Variants in ABHD8 observed in about 807,000 individuals in gnomAD.
ABHD8 encodes the protein abhydrolase domain containing 8, also known as protein ABHD8.
ABHD8 carries 10 observed loss-of-function variants against 29.3 expected under a neutral mutation model. That is an observed-to-expected ratio of 0.34 (90% CI 0.21 to 0.58). ABHD8 has a LOEUF of 0.58. Ranked by LOEUF, ABHD8 falls within the 20% of genes least tolerant of loss-of-function variation. ABHD8 has a pLI of 0.85. For synonymous variants in ABHD8, 282 were observed against 274.6 expected (o/e 1.03, Z -0.27); for missense variants, 556 against 615.3 (o/e 0.90, Z 1.02).
At chr19:17,302,463 A>T (rs1263232187) in intron 1 of ABHD8, among the ~76,000 whole-genome samples, 1 of 152,208 alleles carries the variant, frequency 6.6e-6, no homozygotes, top group Non-Finnish European at 1.5e-5. Context: ...CATCTAAAAT[A>T]TGCAAATCTT....
At chr19:17,303,120 T>A (rs2074128781) in intron 1 of ABHD8, 122 bp downstream of exon 1, 2 of 151,938 alleles carry the variant, frequency 1.3e-5, no homozygotes, top group Admixed American at 6.5e-5. Context: ...TGCAGCGGGG[T>A]CGAGCCCACT....
At chr19:17,300,779 A>G in intron 2 of ABHD8, 77 bp downstream of exon 2, 3 of 1,499,372 alleles carry the variant, frequency 2.0e-6, no homozygotes, top group South Asian at 1.3e-5. Context: ...GGCTCAGCCA[A>G]AAACTCAGTA....
chr19:17,296,006 C>T (rs947647994), intron 2 of ABHD8, among the ~76,000 whole-genome samples: 2 of 151,720 alleles, frequency 1.3e-5, no homozygotes, highest in East Asian at 3.9e-4. Flanking sequence ...CCGTGACACC[C>T]GGCCTGGTGA....
intron 2 of ABHD8, among the ~76,000 whole-genome samples, chr19:17,299,234 A>AGCCCCC (rs2074106174): frequency 7.8e-6 from 1 of 128,874 alleles, no homozygotes; most frequent in Non-Finnish European, 1.6e-5. Context: ...ACATAATGAG[A>AGCCCCC]CCCCCCCCCC....
chr19:17,298,082 T>A (rs1368134252), intron 2 of ABHD8: 1 of 151,012 alleles, frequency 6.6e-6, no homozygotes, highest in African/African-American at 2.4e-5. Flanking sequence ...GCCTGGCTAA[T>A]TTTTTTTTGT....
intron 2 of ABHD8, among the ~76,000 whole-genome samples, chr19:17,299,334 G>C (rs1429549379): frequency 2.6e-5 from 4 of 151,442 alleles, no homozygotes; most frequent in Non-Finnish European, 4.4e-5. Context: ...GGCCGAGGAG[G>C]GCGAATCACG....
chr19:17,300,029 C>T (rs921891059), intron 2 of ABHD8, among the ~76,000 whole-genome samples: 4 of 151,070 alleles, frequency 2.6e-5, no homozygotes, highest in Admixed American at 1.3e-4. Flanking sequence ...CTCAGCCTCC[C>T]GAGTAGCTGG....
chr19:17,297,535 C>A (rs766510141), intron 2 of ABHD8, among the ~76,000 whole-genome samples: 1 of 152,078 alleles, frequency 6.6e-6, no homozygotes, highest in Non-Finnish European at 1.5e-5. Flanking sequence ...ACCTTGTGAT[C>A]CGCCTGCCTC....
chr19:17,294,634 G>T, intron 3 of ABHD8, 41 bp downstream of exon 3: 13 of 1,608,928 alleles, frequency 8.1e-6, no homozygotes, highest in Non-Finnish European at 1.0e-5. Context: ...GCCTGGGTTC[G>T]CCAGGGCCAG....
At position 17,294,856 on chromosome 19, in the gene ABHD8, C is replaced by T. The variant is rs537342843; in HGVS notation, c.762-11G>A. On this transcript the variant is annotated splice_polypyrimidine_tract_variant and intron_variant, in intron 2 of 4. Coordinates refer to ENST00000247706, the MANE Select transcript of ABHD8 (RefSeq NM_024527.5). The stretch of plus-strand genomic sequence containing the variant: ...GTGCAGAAAGAGACACTGCCCGGAA[C>T]GGGTGGGGTGATAGGAGGATTGAAG... 7.9e-5 allele frequency: 128 copies of T among 1,611,390 alleles called. No homozygotes were observed. In the Middle Eastern group the frequency reaches 8.3e-4, roughly 10 times the overall value.
At chr19:17,297,977 C>G (rs1568347569) in intron 2 of ABHD8, 1 of 149,254 alleles carries the variant, frequency 6.7e-6, no homozygotes, top group African/African-American at 2.5e-5. Flanking sequence ...TGCAGTGGCA[C>G]AATCTCGGCT....
At chr19:17,300,318 C>T (rs2074111668) in intron 2 of ABHD8, among the ~76,000 whole-genome samples, 2 of 151,344 alleles carry the variant, frequency 1.3e-5, no homozygotes, top group Admixed American at 1.3e-4. Flanking sequence ...CAATCTCCTG[C>T]CTCAGCCCTT....
intron 2 of ABHD8, among the ~76,000 whole-genome samples, chr19:17,299,227 T>C (rs2074106072): frequency 9.0e-6 from 1 of 110,994 alleles, no homozygotes; most frequent in African/African-American, 3.7e-5. Flanking sequence ...CTGGGCAACA[T>C]AATGAGACCC....
intron 2 of ABHD8, among the ~76,000 whole-genome samples, chr19:17,297,549 C>T (rs1198999954): frequency 6.6e-6 from 1 of 152,096 alleles, no homozygotes; most frequent in Non-Finnish European, 1.5e-5. Flanking sequence ...CTGCCTCGGC[C>T]TCCAAAAGTT....
chr19:17,298,374 C>T (rs1231296133), intron 2 of ABHD8: 1 of 152,058 alleles, frequency 6.6e-6, no homozygotes, highest in Non-Finnish European at 1.5e-5. Flanking sequence ...TGGAGGGGTT[C>T]TTGGTAAGTT....
chr19:17,294,448 G>T lies in ABHD8; in HGVS notation c.989C>A (p.Ala330Asp), dbSNP rs778402701. 1 of 1,614,176 alleles carries T rather than the reference G, an allele frequency of 6.2e-7. No individual in the cohort carries two copies. The highest frequency in any genetic ancestry group is 1.1e-5 in the South Asian group (1 of 91,092). Residue 330 changes from alanine to aspartate, a missense_variant, in exon 4 of 5, where the codon GCT becomes GAT. Coordinates refer to ENST00000247706, the MANE Select transcript of ABHD8 (RefSeq NM_024527.5). ...GAGTACGAAGGATGACACGTTGAAA[G>T]CGTTGCCCTCCTTTAACAGCTGCTT... is the stretch of plus-strand genomic sequence containing the variant. ...KEKQLLKEGNAFNVSSFVLRA... is the reference protein window; with the variant it reads ...KEKQLLKEGNDFNVSSFVLRA...
chr19:17,298,759 T>TG (rs1457611395), intron 2 of ABHD8, among the ~76,000 whole-genome samples: 4 of 105,742 alleles, frequency 3.8e-5, no homozygotes, highest in East Asian at 5.0e-4. Flanking sequence ...TTTTTTTTTT[T>TG]GGGCAGAGTC....
chr19:17,300,985 G>A lies in ABHD8; in HGVS notation c.632C>T (p.Ala211Val), dbSNP rs2074114745. ...GGGCGCAGAGCTGGCCCCGTGGCCG[G>A]CCAGGTCAGGAGCCACCACCTCATA... ...LGYEVVAPDL[A>V]GHGASSAPQV... is the part of the protein sequence containing the mutation. The change falls in exon 2 of 5, where the codon GCC becomes GTC. Residue 211 changes from alanine to valine, a missense_variant. Coordinates refer to ENST00000247706, the MANE Select transcript of ABHD8 (RefSeq NM_024527.5). 2.5e-6 allele frequency: 4 copies of A among 1,613,452 alleles called. No homozygotes were observed. The highest frequency in any genetic ancestry group is 4.5e-5 in the East Asian group (2 of 44,882).
At position 17,294,214 on chromosome 19, in the gene ABHD8, C is replaced by T. The variant is rs565854431; in HGVS notation, c.1149+74G>A. Reference sequence around the variant, plus strand: ...CGCCCACCAAGCGCTACCACGCCCCCCGCAGAGGCCACGCCCCTCCCGGGC... The same window carrying T: ...CGCCCACCAAGCGCTACCACGCCCCTCGCAGAGGCCACGCCCCTCCCGGGC... On this transcript the variant is annotated intron_variant, in intron 4 of 4. Transcript: ENST00000247706. 1.5e-5 allele frequency: 23 copies of T among 1,522,710 alleles called. No homozygotes were observed. In the East Asian group the frequency reaches 5.0e-4, roughly 33 times the overall value. 94.3% of individuals were successfully genotyped at this position (1,522,710 alleles called of 1,614,324 possible).
Sources: gnomAD v4.1 joint callset for allele counts (sites outside exome capture counted in the v4.1 genomes callset) on GRCh38, gnomAD v4.1.1 for gene constraint, MANE v1.5 for transcripts, NCBI Gene and HGNC (gene_info 2026-07-23, HGNC 2026-07-21) for gene names.